G3BP2: variants seen among roughly 807,000 people sequenced by gnomAD.
The protein encoded by G3BP2 is ras GTPase-activating protein-binding protein 2.
In G3BP2, 11 loss-of-function variants were observed where a neutral mutation model predicts 56.7. That is an observed-to-expected ratio of 0.19 (90% CI 0.12 to 0.32). The LOEUF is 0.32. Among genes scored for constraint, G3BP2 ranks in the 10% least tolerant of loss-of-function variants. The probability of loss-of-function intolerance (pLI) is 1.00; values close to 1 mark genes in which losing one functional copy is unlikely to be tolerated. For synonymous variants in G3BP2, 165 were observed against 191.6 expected (o/e 0.86, Z 1.15); for missense variants, 340 against 610.9 (o/e 0.56, Z 4.67).
chr4:75,683,757 G>C (rs1718448533), intron 3 of G3BP2, among the ~76,000 whole-genome samples: 2 of 152,044 alleles, frequency 1.3e-5, no homozygotes, highest in Admixed American at 6.6e-5. Context: ...ACTGACAGGA[G>C]CTCCCAGTTA....
chr4:75,676,593 T>C (rs1327514029), upstream of G3BP2, among the ~76,000 whole-genome samples: 1 of 152,176 alleles, frequency 6.6e-6, no homozygotes, highest in East Asian at 1.9e-4. Context: ...TCCACCCACT[T>C]CGCCGAATTG....
chr4:75,692,256 G>A (rs543193337), intron 3 of G3BP2, among the ~76,000 whole-genome samples: 1 of 152,260 alleles, frequency 6.6e-6, no homozygotes, highest in East Asian at 1.9e-4. Context: ...TTTGTAGATT[G>A]AGAATCTGAT....
chr4:75,697,931 C>CACAA (rs1719188583), intron 3 of G3BP2, among the ~76,000 whole-genome samples: 1 of 52,588 alleles, frequency 1.9e-5, no homozygotes, highest in Admixed American at 2.3e-4. Context: ...GAAACTTCAT[C>CACAA]TCAAACAAAC....
Position 75,688,326 on chromosome 4 carries a change from A to G in G3BP2, c.-24-26277T>C, listed in dbSNP as rs112244961. 5.3e-5 allele frequency among the ~76,000 whole-genome samples: 8 copies of G among 152,300 alleles called. 1 individual carries two copies. Among genetic ancestry groups the G allele is most frequent in the African/African-American group, 1.9e-4 (8 of 41,558 alleles). On this transcript the variant is annotated intron_variant, in intron 3 of 3. Transcript: ENST00000499709. ...CCAAAGTGCTGGGATTACAGGCGTA[A>G]GCCACCACACCCGGCCCCCATTAAG...
chr4:75,670,422 G>A (rs1264419487), intron 1 of G3BP2: 9 of 152,124 alleles, frequency 5.9e-5, no homozygotes, highest in Non-Finnish European at 1.3e-4. Flanking sequence ...GCTTCACAAA[G>A]AAGATCTAAG....
intron 3 of G3BP2, among the ~76,000 whole-genome samples, chr4:75,711,487 C>T (rs1186523359): frequency 3.3e-5 from 5 of 151,782 alleles, no homozygotes; most frequent in Non-Finnish European, 5.9e-5. Flanking sequence ...CCAAGGTGGG[C>T]GGATCACCTG....
In G3BP2 at chr4:75,717,866, C is replaced by T. The variant is rs538583935; in HGVS notation, c.-25+3011G>A. Among the ~76,000 whole-genome samples, 7 of 152,122 alleles carry T rather than the reference C, an allele frequency of 4.6e-5. No homozygotes were observed. The South Asian group carries it at 1.0e-3, about 23-fold the overall frequency. The stretch of plus-strand genomic sequence containing the variant: ...TTTTATAAAAAGTCCTTTGGCCAGG[C>T]GTGGTGGCTCATGCCTGTAATCCCA... On this transcript the variant is annotated intron_variant, in intron 3 of 3. Coordinates refer to the G3BP2 transcript ENST00000499709.
At chr4:75,646,939 T>C (rs1731250325) in intron 10 of G3BP2, 90 bp downstream of exon 10, 9 of 764,418 alleles carry the variant, frequency 1.2e-5, no homozygotes, top group Non-Finnish European at 1.6e-5. Flanking sequence ...AGAGAAACAT[T>C]TAAAAAAAAT....
chr4:75,718,120 A>G (rs7356310), intron 3 of G3BP2, among the ~76,000 whole-genome samples: 135,216 of 151,398 alleles, frequency 0.89, 60,432 homozygotes, highest in African/African-American at 0.93. Context: ...TGGAGACAGA[A>G]TGAGACTCCG....
intron 2 of G3BP2, 90 bp from the exon 3 acceptor site, chr4:75,659,014 C>A: frequency 1.1e-6 from 1 of 936,850 alleles, no homozygotes; most frequent in Non-Finnish European, 1.8e-6. Flanking sequence ...TTCCGGATCC[C>A]GCTCTGTCAC....
chr4:75,658,305 T>C (rs1416442862), intron 3 of G3BP2, among the ~76,000 whole-genome samples: 1 of 152,016 alleles, frequency 6.6e-6, no homozygotes. Flanking sequence ...CCATGTTTCA[T>C]ACAAAAATGA....
Position 75,648,754 on chromosome 4 carries a change from G to GA in G3BP2, c.826-14dup, listed in dbSNP as rs576026021. 4.1e-3 allele frequency: 6,047 copies of GA among 1,477,650 alleles called. 6 individuals carry two copies. Among genetic ancestry groups the GA allele is most frequent in the Middle Eastern group, 0.011 (65 of 5,668 alleles). The allele number at this position is 1,477,650 out of a possible 1,614,324, so 91.5% of individuals were successfully genotyped here. A position where few individuals can be genotyped will look rare whatever the true frequency, so the allele number is the denominator to read the frequency against. On this transcript the variant is annotated splice_polypyrimidine_tract_variant and intron_variant, in intron 8 of 11. Transcript: ENST00000359707. ...CTTCGACTCTTGGCTAAAATATAAA[G>GA]AAAAAAAAACATTATAAAAAACACT...
Position 75,644,765 on chromosome 4 carries a change from T to C in G3BP2, c.*665A>G, listed in dbSNP as rs764923378. 6.6e-6 allele frequency: 1 copy of C among 152,660 alleles called. No homozygotes were observed. The highest frequency in any genetic ancestry group is 1.5e-5 in the Non-Finnish European group (1 of 68,058). 9.5% of individuals were successfully genotyped at this position (152,660 alleles called of 1,614,324 possible). ...TAATTTTTATTATTTAGTTCATAAC[T>C]AAAATGATTTCCTTCTGGAATATAC... is the stretch of plus-strand genomic sequence containing the variant. On this transcript the variant is annotated 3_prime_UTR_variant, in exon 12 of 12. Coordinates refer to ENST00000359707, the MANE Select transcript of G3BP2 (RefSeq NM_203505.3).
chr4:75,712,187 C>T (rs534082120), intron 3 of G3BP2, among the ~76,000 whole-genome samples: 1 of 152,004 alleles, frequency 6.6e-6, no homozygotes, highest in Non-Finnish European at 1.5e-5. Flanking sequence ...CCAATTTAAA[C>T]AATTTTATAT....
chr4:75,678,742 G>A (rs77970860), intron 3 of G3BP2, among the ~76,000 whole-genome samples: 1,812 of 152,268 alleles, frequency 0.012, 35 homozygotes, highest in African/African-American at 0.042. Context: ...TATCACTATA[G>A]GCAGGATGTT....
chr4:75,665,212 T>C (rs1732912812), intron 1 of G3BP2, among the ~76,000 whole-genome samples: 2 of 152,196 alleles, frequency 1.3e-5, no homozygotes, highest in Non-Finnish European at 2.9e-5. Flanking sequence ...TCCTTGTTTC[T>C]TCCTTTCCAA....
intron 2 of G3BP2, among the ~76,000 whole-genome samples, chr4:75,659,450 G>A (rs553424800): frequency 1.1e-3 from 165 of 152,138 alleles, no homozygotes; most frequent in African/African-American, 3.7e-3. Context: ...CCAAAATTAC[G>A]CCAGCATCTA....
intron 1 of G3BP2, among the ~76,000 whole-genome samples, chr4:75,671,484 T>C (rs1373494071): frequency 1.3e-5 from 2 of 152,236 alleles, no homozygotes; most frequent in African/African-American, 2.4e-5. Context: ...TTAAGTTAGT[T>C]ACTCTACGAA....
chr4:75,703,567 T>C (rs1161230611), intron 3 of G3BP2, among the ~76,000 whole-genome samples: 1 of 151,978 alleles, frequency 6.6e-6, no homozygotes, highest in South Asian at 2.1e-4. Flanking sequence ...GACTGTGAAA[T>C]AGACAAACAG....
Sources: allele counts gnomAD v4.1 joint callset (sites outside exome capture counted in the v4.1 genomes callset), GRCh38; gene constraint gnomAD v4.1.1; transcripts MANE v1.5; gene names NCBI Gene and HGNC (gene_info 2026-07-23, HGNC 2026-07-21).